The following DENND1A variants were observed in gnomAD, a reference collection of about 807,000 sequenced individuals.
The protein encoded by DENND1A is DENN domain containing 1A, also known as DENN domain-containing protein 1A.
In DENND1A, 51 loss-of-function variants were observed where a neutral mutation model predicts 113.7. That is an observed-to-expected ratio of 0.45 (90% CI 0.36 to 0.57). The LOEUF (loss-of-function observed/expected upper bound fraction) is 0.57, where lower values mean the gene tolerates loss of function less well. Ranked by LOEUF, DENND1A falls within the 20% of genes least tolerant of loss-of-function variation. The probability of loss-of-function intolerance (pLI) is 0.00; values close to 1 mark genes in which losing one functional copy is unlikely to be tolerated. For synonymous variants in DENND1A, 565 were observed against 570.8 expected, an observed-to-expected ratio of 0.99 and a Z score of 0.14; for missense variants, 1,258 against 1,395.9, an observed-to-expected ratio of 0.90 and a Z score of 1.57.
At position 123,929,875 on chromosome 9, in the gene DENND1A, C is replaced by T. The variant is rs1254759917; in HGVS notation, c.17+14G>A. 3.3e-6 allele frequency: 1 copy of T among 300,148 alleles called. No individual in the cohort carries two copies. Among genetic ancestry groups the T allele is most frequent in the South Asian group, 5.9e-5 (1 of 16,818 alleles). The allele number at this position is 300,148 out of a possible 1,614,324, so 18.6% of individuals were successfully genotyped here. On this transcript the variant is annotated intron_variant, in intron 1 of 23. Transcript: ENST00000394215. ...CGCGCCCGGCCCGGCTCCGCCCGGC[C>T]CGGCCGCACTCACTTGATCCTGGAG...
intron 7 of DENND1A, among the ~76,000 whole-genome samples, chr9:123,668,472 C>G (rs535511413): frequency 1.3e-5 from 2 of 152,178 alleles, no homozygotes; most frequent in Admixed American, 6.5e-5. Context: ...CTAATTCCCA[C>G]AACAAATTTT....
intron 5 of DENND1A, among the ~76,000 whole-genome samples, chr9:123,738,652 G>T (rs1358603829): frequency 6.6e-6 from 1 of 152,098 alleles, no homozygotes; most frequent in Non-Finnish European, 1.5e-5. Flanking sequence ...ATTGGCTACT[G>T]GTATGAAACC....
At chr9:123,798,889 T>C (rs1313897539) in intron 2 of DENND1A, among the ~76,000 whole-genome samples, 1 of 152,144 alleles carries the variant, frequency 6.6e-6, no homozygotes, top group Admixed American at 6.5e-5. Flanking sequence ...CTAAAATCTA[T>C]CAAATTGATA....
intron 13 of DENND1A, among the ~76,000 whole-genome samples, chr9:123,459,539 T>TA (rs779642733): frequency 9.2e-4 from 134 of 146,428 alleles, no homozygotes; most frequent in South Asian, 1.3e-3. Flanking sequence ...TACCCTGAGT[T>TA]AAAAAAAAAA....
intron 13 of DENND1A, among the ~76,000 whole-genome samples, chr9:123,501,247 T>C (rs1213874265): frequency 6.6e-6 from 1 of 152,240 alleles, no homozygotes; most frequent in African/African-American, 2.4e-5. Context: ...TCCAGGTTCA[T>C]CCATGGTGTA....
At chr9:123,835,712 T>C (rs1840960004) in intron 2 of DENND1A, among the ~76,000 whole-genome samples, 1 of 150,292 alleles carries the variant, frequency 6.7e-6, no homozygotes, top group African/African-American at 2.4e-5. Context: ...GCAAAAACTC[T>C]CAAAACACAC....
At chr9:123,602,569 G>A (rs1216266809) in intron 11 of DENND1A, among the ~76,000 whole-genome samples, 1 of 152,238 alleles carries the variant, frequency 6.6e-6, no homozygotes, top group African/African-American at 2.4e-5. Flanking sequence ...TGGTTGGCAA[G>A]TACTCAAAAG....
chr9:123,864,119 G>A (rs764716046), intron 2 of DENND1A, among the ~76,000 whole-genome samples: 4 of 152,022 alleles, frequency 2.6e-5, no homozygotes, highest in Non-Finnish European at 5.9e-5. Flanking sequence ...ATGATTTGAT[G>A]TGACAGAAGA....
At chr9:123,603,862 T>A (rs1156326613) in intron 11 of DENND1A, among the ~76,000 whole-genome samples, 4 of 152,228 alleles carry the variant, frequency 2.6e-5, no homozygotes, top group Non-Finnish European at 5.9e-5. Context: ...AAGCTCAGGT[T>A]TGGGACACTG....
chr9:123,585,439 T>C (rs2059117609), intron 11 of DENND1A, among the ~76,000 whole-genome samples: 1 of 152,244 alleles, frequency 6.6e-6, no homozygotes, highest in Non-Finnish European at 1.5e-5. Context: ...GCAAAGAATG[T>C]ACTTTTGCAC....
At chr9:123,384,512 T>C (rs2042456595) in intron 22 of DENND1A, among the ~76,000 whole-genome samples, 1 of 152,204 alleles carries the variant, frequency 6.6e-6, no homozygotes, top group African/African-American at 2.4e-5. Flanking sequence ...CAGGTGGTGG[T>C]GGTGGTTACA....
chr9:123,627,347 T>A (rs536611266), intron 10 of DENND1A, among the ~76,000 whole-genome samples: 2 of 152,336 alleles, frequency 1.3e-5, no homozygotes, highest in South Asian at 4.1e-4. Context: ...ACCCAATTGT[T>A]TGAGTTCCTT....
chr9:123,396,666 G>A (rs1047561557), intron 21 of DENND1A, among the ~76,000 whole-genome samples: 5 of 152,188 alleles, frequency 3.3e-5, no homozygotes, highest in African/African-American at 7.2e-5. Context: ...CTGGGGTCAC[G>A]CAGTGCAATT....
At chr9:123,618,868 T>C (rs768443120) in intron 10 of DENND1A, among the ~76,000 whole-genome samples, 1 of 152,252 alleles carries the variant, frequency 6.6e-6, no homozygotes, top group African/African-American at 2.4e-5. Context: ...ATGGCAACCA[T>C]CTACACAGAC....
chr9:123,403,284 C>T (rs1167332243), intron 21 of DENND1A, 118 bp downstream of exon 21: 2 of 994,026 alleles, frequency 2.0e-6, no homozygotes, highest in African/African-American at 1.6e-5. Flanking sequence ...TGTGAAACAC[C>T]CGCTGGGAGC....
intron 2 of DENND1A, among the ~76,000 whole-genome samples, chr9:123,850,406 C>T (rs1192732483): frequency 6.6e-6 from 1 of 152,080 alleles, no homozygotes; most frequent in Non-Finnish European, 1.5e-5. Context: ...TGATATGTAC[C>T]TTTTTAAACA....
chr9:123,596,713 T>G (rs2059709409), intron 11 of DENND1A, among the ~76,000 whole-genome samples: 1 of 152,156 alleles, frequency 6.6e-6, no homozygotes, highest in African/African-American at 2.4e-5. Context: ...CTTACCAGAG[T>G]GCTGAAACAC....
intron 1 of DENND1A, among the ~76,000 whole-genome samples, chr9:123,913,930 T>C (rs1028058744): frequency 2.0e-5 from 3 of 148,714 alleles, no homozygotes; most frequent in Non-Finnish European, 4.5e-5. Context: ...AAAAGCCAGA[T>C]ATGGACCTTT....
At chr9:123,404,300 C>A (rs1448043058) in intron 20 of DENND1A, among the ~76,000 whole-genome samples, 3 of 152,306 alleles carry the variant, frequency 2.0e-5, no homozygotes, top group Non-Finnish European at 4.4e-5. Context: ...TTTCTAGGTG[C>A]CCTTAGAAGG....
Sources: allele counts gnomAD v4.1 joint callset (sites outside exome capture counted in the v4.1 genomes callset), GRCh38; gene constraint gnomAD v4.1.1; transcripts MANE v1.5; gene names NCBI Gene and HGNC (gene_info 2026-07-23, HGNC 2026-07-21).